Variants in THADA observed in about 807,000 individuals in gnomAD.
THADA encodes THADA armadillo repeat containing, also known as tRNA (32-2'-O)-methyltransferase regulator THADA.
THADA carries 213 observed loss-of-function variants against 219.8 expected under a neutral mutation model. The ratio of observed to expected loss-of-function variants is 0.97; its 90% CI spans 0.87 to 1.09. THADA has a LOEUF of 1.09. Among genes scored for constraint, THADA ranks in the 50% least tolerant of loss-of-function variants. The probability of loss-of-function intolerance (pLI) is 0.00; values close to 1 mark genes in which losing one functional copy is unlikely to be tolerated. For synonymous variants in THADA, 1,018 were observed against 828.9 expected, an observed-to-expected ratio of 1.23 and a Z score of -3.92; for missense variants, 2,956 against 2,311.3, an observed-to-expected ratio of 1.28 and a Z score of -5.72.
intron 11 of THADA, among the ~76,000 whole-genome samples, chr2:43,573,268 A>C (rs1197365737): frequency 1.3e-5 from 2 of 152,198 alleles, no homozygotes; most frequent in Non-Finnish European, 2.9e-5. Flanking sequence ...TTTCCCTAAC[A>C]CCTAGAAAGG....
At chr2:43,403,611 T>A (rs1382863702) in intron 28 of THADA, among the ~76,000 whole-genome samples, 1 of 152,056 alleles carries the variant, frequency 6.6e-6, no homozygotes, top group African/African-American at 2.4e-5. Context: ...ATAATTAACA[T>A]TCCCCCAGTT....
intron 20 of THADA, among the ~76,000 whole-genome samples, chr2:43,548,068 A>G (rs7599137): frequency 0.34 from 52,277 of 151,596 alleles, 9,289 homozygotes; most frequent in African/African-American, 0.42. Context: ...TCTGTTTGTT[A>G]GTTTTCCTTC....
At chr2:43,290,819 C>G (rs1171551966) in intron 34 of THADA, among the ~76,000 whole-genome samples, 2 of 151,612 alleles carry the variant, frequency 1.3e-5, no homozygotes, top group Non-Finnish European at 2.9e-5. Flanking sequence ...CTTGTATGCA[C>G]CTAAGTAGCA....
At chr2:43,253,403 C>T (rs1670006170) in intron 36 of THADA, among the ~76,000 whole-genome samples, 1 of 152,158 alleles carries the variant, frequency 6.6e-6, no homozygotes, top group Admixed American at 6.5e-5. Context: ...CTCCTACTTA[C>T]TTCTAAACTC....
At chr2:43,386,411 G>C (rs1041853311) in intron 29 of THADA, among the ~76,000 whole-genome samples, 1 of 150,476 alleles carries the variant, frequency 6.6e-6, no homozygotes, top group African/African-American at 2.4e-5. Flanking sequence ...TCCCCAAATA[G>C]ACAAAGAAAA....
At chr2:43,595,220 A>G (rs552936910) in intron 1 of THADA, among the ~76,000 whole-genome samples, 2 of 152,214 alleles carry the variant, frequency 1.3e-5, no homozygotes, top group Non-Finnish European at 2.9e-5. Flanking sequence ...GTGACATTCT[A>G]CATCTTAAGA....
chr2:43,321,015 T>G (rs902227550), intron 30 of THADA, among the ~76,000 whole-genome samples: 1 of 152,182 alleles, frequency 6.6e-6, no homozygotes, highest in Non-Finnish European at 1.5e-5. Flanking sequence ...AATAACCAGC[T>G]GAACAATAGA....
intron 29 of THADA, among the ~76,000 whole-genome samples, chr2:43,357,560 T>C (rs1023457783): frequency 1.4e-4 from 22 of 152,194 alleles, no homozygotes; most frequent in Non-Finnish European, 2.9e-4. Flanking sequence ...AGCAAAGGTG[T>C]AGATGCTCAA....
intron 28 of THADA, among the ~76,000 whole-genome samples, chr2:43,401,165 C>T (rs1674786412): frequency 6.6e-6 from 1 of 152,210 alleles, no homozygotes; most frequent in South Asian, 2.1e-4. Flanking sequence ...TACACAGACA[C>T]CAGTGTCTTA....
intron 26 of THADA, chr2:43,430,686 C>T (rs1475742649): frequency 4.4e-6 from 2 of 456,066 alleles, no homozygotes; most frequent in Non-Finnish European, 4.4e-6. Context: ...AGGTCTAGAA[C>T]AAGCGTTCCC....
intron 29 of THADA, among the ~76,000 whole-genome samples, chr2:43,378,365 G>A (rs892095780): frequency 4.6e-5 from 7 of 152,056 alleles, no homozygotes; most frequent in Admixed American, 3.3e-4. Flanking sequence ...TCAAAGAAAC[G>A]GAGATAAAGA....
chr2:43,384,312 G>C (rs888538439), intron 29 of THADA, among the ~76,000 whole-genome samples: 6 of 152,266 alleles, frequency 3.9e-5, no homozygotes, highest in African/African-American at 1.4e-4. Flanking sequence ...TGAGCTCTTG[G>C]GGAGGGGCGA....
At position 43,520,711 on chromosome 2, in the gene THADA, T is replaced by TAC. The variant is rs535751557; in HGVS notation, c.3374+7167_3374+7168insGT. On this transcript the variant is annotated intron_variant, in intron 22 of 37. Transcript: ENST00000405975. ...TCTCAAATATTTATACGTATATATA[T>TAC]ATACACACACACACACACACACACA... Among the ~76,000 whole-genome samples the TAC allele has an allele frequency of 3.8e-3, 498 of 131,424 alleles. 2 individuals are homozygous for TAC. Among genetic ancestry groups the TAC allele is most frequent in the Non-Finnish European group, 4.6e-3 (282 of 61,492 alleles). 86.2% of individuals were successfully genotyped at this position (131,424 alleles called of 152,430 possible). A position where few individuals can be genotyped will look rare whatever the true frequency, so the allele number is the denominator to read the frequency against.
intron 24 of THADA, among the ~76,000 whole-genome samples, chr2:43,503,825 GAAGTA>G (rs1179293798): frequency 1.3e-5 from 2 of 152,074 alleles, no homozygotes; most frequent in Non-Finnish European, 2.9e-5. Flanking sequence ...TAATCACCTT[GAAGTA>G]GAGTAGGGCA....
At chr2:43,585,521 G>GA (rs71410186) in intron 7 of THADA, among the ~76,000 whole-genome samples, 32,344 of 144,156 alleles carry the variant, frequency 0.22, 3,770 homozygotes, top group Middle Eastern at 0.28. Flanking sequence ...CTGTCACAAA[G>GA]AAAAAAAAAT....
chr2:43,275,998 C>T (rs1180636588), intron 36 of THADA, among the ~76,000 whole-genome samples: 26 of 152,212 alleles, frequency 1.7e-4, no homozygotes, highest in Admixed American at 1.7e-3. Flanking sequence ...TGGGGAGCTG[C>T]AGAGATAGCC....
chr2:43,442,713 A>G (rs1681004348), intron 26 of THADA, among the ~76,000 whole-genome samples: 1 of 152,128 alleles, frequency 6.6e-6, no homozygotes, highest in Non-Finnish European at 1.5e-5. Context: ...GGACTAGGCT[A>G]GAGAGTAGAA....
chr2:43,580,393 C>CT (rs532358126), intron 8 of THADA, among the ~76,000 whole-genome samples: 152 of 147,132 alleles, frequency 1.0e-3, no homozygotes, highest in African/African-American at 3.5e-3. Context: ...GTTAGAGAAT[C>CT]TTTTTTTTAG....
At chr2:43,297,347 T>TA (rs1352569534) in intron 31 of THADA, among the ~76,000 whole-genome samples, 3 of 82,910 alleles carry the variant, frequency 3.6e-5, no homozygotes, top group Non-Finnish European at 6.5e-5. Flanking sequence ...GCCCGGCAGC[T>TA]GCCCCGTCTG....
Sources: gnomAD v4.1 joint callset for allele counts (sites outside exome capture counted in the v4.1 genomes callset) on GRCh38, gnomAD v4.1.1 for gene constraint, MANE v1.5 for transcripts, NCBI Gene and HGNC (gene_info 2026-07-23, HGNC 2026-07-21) for gene names.